Variants in CREB5 observed in about 807,000 individuals in gnomAD.
The protein encoded by CREB5 is cyclic AMP-responsive element-binding protein 5.
Under a neutral mutation model 57.1 loss-of-function variants are expected in CREB5, and 19 were observed. The ratio of observed to expected loss-of-function variants is 0.33; its 90% CI spans 0.23 to 0.49. The LOEUF (loss-of-function observed/expected upper bound fraction) is 0.49, where lower values mean the gene tolerates loss of function less well. CREB5 is among the 20% of genes least tolerant of loss of function. CREB5 has a pLI of 0.99. For missense variants in CREB5, 579 were observed against 671.6 expected, an observed-to-expected ratio of 0.86 and a Z score of 1.52; for synonymous variants, 238 against 238.3, an observed-to-expected ratio of 1.00 and a Z score of 0.01.
intron 5 of CREB5, among the ~76,000 whole-genome samples, chr7:28,696,239 T>C (rs1356888800): frequency 6.6e-6 from 1 of 151,902 alleles, no homozygotes; most frequent in Non-Finnish European, 1.5e-5. Flanking sequence ...AATTAATGAT[T>C]GTTAAGTGCT....
chr7:28,684,493 C>G lies in CREB5; in HGVS notation c.465-34260C>G, dbSNP rs960927937. Reference sequence around the variant, plus strand: ...AAATATTGCTTTTTAACTCTTCACCCTGAGTACGGCAACACTCCCTGAAGC... The same window carrying G: ...AAATATTGCTTTTTAACTCTTCACCGTGAGTACGGCAACACTCCCTGAAGC... On this transcript the variant is annotated intron_variant, in intron 5 of 10. Transcript: ENST00000357727. Among the ~76,000 whole-genome samples, 6 of 152,240 alleles carry G rather than the reference C, an allele frequency of 3.9e-5. No homozygotes were observed. The East Asian group carries it at 1.2e-3, about 29-fold the overall frequency.
chr7:28,761,500 C>A (rs563296153), intron 7 of CREB5, among the ~76,000 whole-genome samples: 1 of 152,276 alleles, frequency 6.6e-6, no homozygotes, highest in South Asian at 2.1e-4. Flanking sequence ...TTTTTAGCTA[C>A]AGAGCAGGAA....
chr7:28,804,361 C>G lies in CREB5; in HGVS notation c.865C>G (p.Pro289Ala), dbSNP rs1324926904. The change falls in exon 8 of 11, where the codon CCT becomes GCT. Residue 289 changes from proline to alanine, a missense_variant. By Grantham distance (27) the Pro-to-Ala change is conservative. This residue lies in a region of CREB5 where 459 missense variants were observed against 515.7 expected (regional missense o/e 0.89). Coordinates refer to ENST00000357727, the MANE Select transcript of CREB5 (RefSeq NM_182898.4). ...GCACCAGACACTGCCACCCCATCAC[C>G]CTTACCCACACCAGCACCAGCACCC... ...HQHQTLPPHH[P>A]YPHQHQHPAH... is the part of the protein sequence containing the mutation. 1 of 1,613,558 alleles carries G rather than the reference C, an allele frequency of 6.2e-7. No individual in the cohort carries two copies. The highest frequency in any genetic ancestry group is 8.5e-7 in the Non-Finnish European group (1 of 1,179,778).
rs569560006 is a variant in CREB5, at chr7:28,821,203, T to G, written c.*1924T>G. On this transcript the variant is annotated 3_prime_UTR_variant, in exon 11 of 11. Transcript: ENST00000357727. Reference sequence around the variant, plus strand: ...CAGTATTTTACAAAAGGTGTAGCTTTTATAAGAGTGCAGAAAAGGGAAGGA... The same window carrying G: ...CAGTATTTTACAAAAGGTGTAGCTTGTATAAGAGTGCAGAAAAGGGAAGGA... 1 of 151,926 alleles carries G rather than the reference T, an allele frequency of 6.6e-6. No homozygotes were observed. Among genetic ancestry groups the G allele is most frequent in the Admixed American group, 6.6e-5 (1 of 15,206 alleles). The allele number at this position is 151,926 out of a possible 1,614,324, so 9.4% of individuals were successfully genotyped here.
intron 1 of CREB5, among the ~76,000 whole-genome samples, chr7:28,372,429 C>G (rs1437106783): frequency 6.6e-6 from 1 of 152,148 alleles, no homozygotes; most frequent in Non-Finnish European, 1.5e-5. Context: ...AAAAGTCCTT[C>G]CTTGTGTGTT....
chr7:28,460,115 C>T (rs191298152), intron 1 of CREB5, among the ~76,000 whole-genome samples: 235 of 152,296 alleles, frequency 1.5e-3, no homozygotes, highest in Non-Finnish European at 2.9e-3. Flanking sequence ...ATCATTTCTC[C>T]TGCCAACTTC....
At chr7:28,655,999 T>A (rs1355626074) in intron 5 of CREB5, among the ~76,000 whole-genome samples, 1 of 152,198 alleles carries the variant, frequency 6.6e-6, no homozygotes, top group Non-Finnish European at 1.5e-5. Flanking sequence ...CAACAGTTCA[T>A]TAACAAATTC....
intron 1 of CREB5, among the ~76,000 whole-genome samples, chr7:28,390,209 T>G (rs547894019): frequency 6.6e-6 from 1 of 152,166 alleles, no homozygotes; most frequent in African/African-American, 2.4e-5. Context: ...TGAATCAGAC[T>G]TTTAATAAGT....
intron 5 of CREB5, among the ~76,000 whole-genome samples, chr7:28,715,961 G>A (rs1425655312): frequency 6.6e-6 from 1 of 152,092 alleles, no homozygotes; most frequent in Admixed American, 6.5e-5. Context: ...TCTACAAAGT[G>A]TAGAAATAAC....
chr7:28,680,871 C>G (rs1473947292), intron 5 of CREB5, among the ~76,000 whole-genome samples: 3 of 152,134 alleles, frequency 2.0e-5, no homozygotes, highest in African/African-American at 4.8e-5. Flanking sequence ...ACTGACATCA[C>G]CTTTCTTTGG....
intron 7 of CREB5, among the ~76,000 whole-genome samples, chr7:28,735,953 C>T (rs866265416): frequency 2.0e-5 from 3 of 152,062 alleles, no homozygotes; most frequent in Non-Finnish European, 2.9e-5. Context: ...TACAGGCAGA[C>T]GCCACCACGC....
chr7:28,464,946 A>T (rs892723731), intron 1 of CREB5, among the ~76,000 whole-genome samples: 13 of 152,222 alleles, frequency 8.5e-5, no homozygotes, highest in Non-Finnish European at 1.8e-4. Flanking sequence ...ACATATGATT[A>T]TATAATTGGT....
At chr7:28,428,445 C>T (rs1788590529) in intron 1 of CREB5, among the ~76,000 whole-genome samples, 1 of 152,082 alleles carries the variant, frequency 6.6e-6, no homozygotes, top group Non-Finnish European at 1.5e-5. Context: ...CAATGGTGGG[C>T]TGGACTGGGT....
At chr7:28,536,599 C>T (rs1793976062) in intron 4 of CREB5, among the ~76,000 whole-genome samples, 1 of 152,224 alleles carries the variant, frequency 6.6e-6, no homozygotes, top group Admixed American at 6.5e-5. Flanking sequence ...TCAGGTTTAC[C>T]TCTGGCATTC....
At chr7:28,745,783 G>C (rs190141040) in intron 7 of CREB5, among the ~76,000 whole-genome samples, 8 of 152,326 alleles carry the variant, frequency 5.3e-5, no homozygotes, top group Admixed American at 6.5e-5. Context: ...GACCATGGAG[G>C]CAATGCTGTT....
intron 4 of CREB5, among the ~76,000 whole-genome samples, chr7:28,514,005 G>A (rs991360622): frequency 6.6e-6 from 1 of 152,144 alleles, no homozygotes; most frequent in Non-Finnish European, 1.5e-5. Context: ...TTAATATTAA[G>A]TGTTCGATGT....
At chr7:28,322,079 T>C (rs1417638247) in intron 1 of CREB5, among the ~76,000 whole-genome samples, 1 of 152,216 alleles carries the variant, frequency 6.6e-6, no homozygotes, top group Non-Finnish European at 1.5e-5. Flanking sequence ...AACCAACTGG[T>C]CTACCCCAGA....
chr7:28,446,574 C>T lies in CREB5; in HGVS notation c.3+33657C>T, dbSNP rs570528808. On this transcript the variant is annotated intron_variant, in intron 1 of 10. Transcript: ENST00000357727. ...TTGAGAGGCTGAGGTGGGCAGATCA[C>T]GAAGTCAGGAGATCAAGGCCATCCT... 9.5e-4 allele frequency among the ~76,000 whole-genome samples: 144 copies of T among 152,228 alleles called. 1 individual carries two copies. The highest frequency in any genetic ancestry group is 3.2e-3 in the African/African-American group (134 of 41,532).
chr7:28,486,366 G>C (rs551094051), intron 1 of CREB5, among the ~76,000 whole-genome samples: 51 of 151,880 alleles, frequency 3.4e-4, no homozygotes, highest in Non-Finnish European at 6.2e-4. Flanking sequence ...TTGAAAGATA[G>C]TGAAGCTTCC....
Sources: gnomAD v4.1 joint callset for allele counts (sites outside exome capture counted in the v4.1 genomes callset) on GRCh38, gnomAD v4.1.1 for gene constraint, gnomAD v4.1.1 regional missense constraint, MANE v1.5 for transcripts, NCBI Gene and HGNC (gene_info 2026-07-23, HGNC 2026-07-21) for gene names.